SLC35F2: variants seen among roughly 807,000 people sequenced by gnomAD.
SLC35F2 encodes the protein queuine/queuosine transporter SLC35F2.
In SLC35F2, 25 loss-of-function variants were observed where a neutral mutation model predicts 38.1. The ratio of observed to expected loss-of-function variants is 0.66; its 90% CI spans 0.48 to 0.92. The LOEUF (loss-of-function observed/expected upper bound fraction) is 0.92. Among genes scored for constraint, SLC35F2 ranks in the 40% least tolerant of loss-of-function variants. SLC35F2 has a pLI of 0.00. For synonymous variants in SLC35F2, 173 were observed against 181.7 expected (o/e 0.95, Z 0.38); for missense variants, 409 against 452.9 (o/e 0.90, Z 0.88).
chr11:107,819,140 T>C (rs1378694900), intron 1 of SLC35F2, among the ~76,000 whole-genome samples: 2 of 152,206 alleles, frequency 1.3e-5, no homozygotes, highest in African/African-American at 2.4e-5. Context: ...AATGACTTTC[T>C]ATTTCTATAG....
intron 1 of SLC35F2, among the ~76,000 whole-genome samples, chr11:107,843,995 G>T (rs551525279): frequency 1.9e-4 from 28 of 149,164 alleles, no homozygotes; most frequent in African/African-American, 5.7e-4. Flanking sequence ...TGCAACTAGG[G>T]TCTAAAAAAT....
intron 3 of SLC35F2, 95 bp downstream of exon 3, chr11:107,811,572 G>T: frequency 8.3e-7 from 1 of 1,207,712 alleles, no homozygotes; most frequent in Non-Finnish European, 1.2e-6. Context: ...TTCTTCAAGT[G>T]AATAGATTTT....
At chr11:107,799,017 AG>A (rs1337380606) in intron 7 of SLC35F2, among the ~76,000 whole-genome samples, 1 of 152,206 alleles carries the variant, frequency 6.6e-6, no homozygotes, top group Non-Finnish European at 1.5e-5. Flanking sequence ...CAGGGGTGGC[AG>A]TGAGCTGAGA....
chr11:107,822,152 A>G (rs1483389546), intron 1 of SLC35F2, among the ~76,000 whole-genome samples: 1 of 152,190 alleles, frequency 6.6e-6, no homozygotes, highest in African/African-American at 2.4e-5. Context: ...CTGAAGCGGG[A>G]GAATCACTTG....
At position 107,803,008 on chromosome 11, in the gene SLC35F2, C is replaced by A; in HGVS notation, c.932G>T (p.Gly311Val). 1 of 1,608,326 alleles carries A rather than the reference C, an allele frequency of 6.2e-7. No homozygotes were observed. Among genetic ancestry groups the A allele is most frequent in the Non-Finnish European group, 8.5e-7 (1 of 1,178,482 alleles). ...YSLFVGLFLF[G>V]YKFSGLYILS... ...CGTGATCTATTTGTTTACCTTATAG[C>A]CAAACAGAAAGAGTCCAACAAAAAG... Residue 311 changes from glycine (G) to valine (V), a missense_variant, in exon 7 of 8, where the codon GGC becomes GTC. Coordinates refer to ENST00000525815, the MANE Select transcript of SLC35F2 (RefSeq NM_017515.5).
chr11:107,791,037 C>T lies in SLC35F2; in HGVS notation c.*1578G>A, dbSNP rs1787670129. ...CCTTTTAATGATGTGAACACTTACTCCCCATTTCTTTTTTACATTGTTACA... is the reference window on the plus strand; with the variant it reads ...CCTTTTAATGATGTGAACACTTACTTCCCATTTCTTTTTTACATTGTTACA... On this transcript the variant is annotated 3_prime_UTR_variant, in exon 8 of 8. Transcript: ENST00000525815. 6.6e-6 allele frequency: 1 copy of T among 152,560 alleles called. No homozygotes were observed. Among genetic ancestry groups the T allele is most frequent in the African/African-American group, 2.4e-5 (1 of 41,422 alleles). 9.5% of individuals were successfully genotyped at this position (152,560 alleles called of 1,614,324 possible).
chr11:107,791,855 A>G lies in SLC35F2; in HGVS notation c.*760T>C, dbSNP rs185024718. The G allele has an allele frequency of 6.6e-6, 1 of 152,226 alleles. No homozygotes were observed. Among genetic ancestry groups the G allele is most frequent in the Non-Finnish European group, 1.5e-5 (1 of 68,052 alleles). The allele number at this position is 152,226 out of a possible 1,614,324, so 9.4% of individuals were successfully genotyped here. On this transcript the variant is annotated 3_prime_UTR_variant, in exon 8 of 8. Transcript: ENST00000525815. ...GTGAAACCCCATGTCTACTAAAAATACAAAACTTAGCTGGGCGTGGGGCCA... is the reference window on the plus strand; with the variant it reads ...GTGAAACCCCATGTCTACTAAAAATGCAAAACTTAGCTGGGCGTGGGGCCA...
chr11:107,794,278 AC>A (rs1208621739), intron 7 of SLC35F2, among the ~76,000 whole-genome samples: 2 of 151,962 alleles, frequency 1.3e-5, no homozygotes, highest in Non-Finnish European at 2.9e-5. Flanking sequence ...ACGGGGTTTC[AC>A]CATGTTGGCC....
chr11:107,810,292 T>C (rs1032224962), intron 3 of SLC35F2: 2 of 985,310 alleles, frequency 2.0e-6, no homozygotes, highest in African/African-American at 3.5e-5. Context: ...GTTTTCAATT[T>C]CTTTGAAATT....
chr11:107,848,839 T>C (rs973985990), intron 1 of SLC35F2, among the ~76,000 whole-genome samples: 2 of 152,132 alleles, frequency 1.3e-5, no homozygotes, highest in Non-Finnish European at 2.9e-5. Flanking sequence ...CTAAGGAACC[T>C]CCAGGGAACC....
intron 1 of SLC35F2, among the ~76,000 whole-genome samples, chr11:107,816,919 G>A (rs187988249): frequency 2.6e-5 from 4 of 152,114 alleles, no homozygotes; most frequent in Non-Finnish European, 5.9e-5. Flanking sequence ...GATCACTAAG[G>A]CGTATAACTA....
intron 1 of SLC35F2, among the ~76,000 whole-genome samples, chr11:107,839,578 A>T (rs1244238265): frequency 1.3e-5 from 2 of 152,264 alleles, no homozygotes; most frequent in African/African-American, 4.8e-5. Context: ...GATAAAAATA[A>T]GGGAAAATAT....
chr11:107,853,306 T>G (rs1331828772), intron 1 of SLC35F2, among the ~76,000 whole-genome samples: 1 of 152,152 alleles, frequency 6.6e-6, no homozygotes, highest in Admixed American at 6.6e-5. Context: ...TTATCATAAC[T>G]TTTTATCATA....
intron 1 of SLC35F2, among the ~76,000 whole-genome samples, chr11:107,844,625 T>C (rs1860073300): frequency 7.7e-5 from 1 of 12,926 alleles, no homozygotes; most frequent in Non-Finnish European, 2.8e-4. Flanking sequence ...CCTTCTCCAA[T>C]AAATAAATAA....
chr11:107,808,639 G>A (rs950967680), intron 3 of SLC35F2, among the ~76,000 whole-genome samples: 2 of 152,132 alleles, frequency 1.3e-5, no homozygotes, highest in Non-Finnish European at 2.9e-5. Context: ...TTTACTGATT[G>A]CCTTTCACTG....
intron 1 of SLC35F2, 147 bp downstream of exon 1, chr11:107,858,511 T>G: frequency 1.6e-6 from 1 of 613,282 alleles, no homozygotes; most frequent in Non-Finnish European, 2.4e-6. Context: ...CTGGTGTGCG[T>G]GTTGAGCCCC....
intron 1 of SLC35F2, among the ~76,000 whole-genome samples, chr11:107,830,653 A>AT (rs1406959033): frequency 1.3e-5 from 2 of 151,724 alleles, no homozygotes; most frequent in African/African-American, 4.8e-5. Context: ...TTCCCATAAA[A>AT]TTTTTTTTAA....
chr11:107,837,929 G>A (rs1246827630), intron 1 of SLC35F2, among the ~76,000 whole-genome samples: 2 of 130,854 alleles, frequency 1.5e-5, no homozygotes, highest in African/African-American at 3.0e-5. Context: ...TACACACATA[G>A]TCTCACAATA....
At chr11:107,799,276 A>C (rs1859267552) in intron 7 of SLC35F2, among the ~76,000 whole-genome samples, 1 of 152,216 alleles carries the variant, frequency 6.6e-6, no homozygotes, top group African/African-American at 2.4e-5. Context: ...AAATAACTGG[A>C]AAGGAATTTA....
Sources: allele counts gnomAD v4.1 joint callset (sites outside exome capture counted in the v4.1 genomes callset), GRCh38; gene constraint gnomAD v4.1.1; transcripts MANE v1.5; gene names NCBI Gene and HGNC (gene_info 2026-07-23, HGNC 2026-07-21).